The following MIPEP variants were observed in gnomAD, a reference collection of about 807,000 sequenced individuals.
The protein encoded by MIPEP is mitochondrial intermediate peptidase.
Under a neutral mutation model 90.3 loss-of-function variants are expected in MIPEP, and 79 were observed. The observed-to-expected ratio is 0.87, with a 90% confidence interval of 0.73 to 1.05. The LOEUF (loss-of-function observed/expected upper bound fraction) is 1.05. Among genes scored for constraint, MIPEP ranks in the 50% least tolerant of loss-of-function variants. MIPEP has a pLI of 0.00. For missense variants in MIPEP, 940 were observed against 905.6 expected (o/e 1.04, Z -0.49); for synonymous variants, 334 against 315.8 (o/e 1.06, Z -0.61).
At chr13:23,803,735 C>T (rs549018117) in intron 16 of MIPEP, among the ~76,000 whole-genome samples, 66 of 152,274 alleles carry the variant, frequency 4.3e-4, no homozygotes, top group South Asian at 1.9e-3. Flanking sequence ...TGGTCAAGTC[C>T]ACCAACTTGA....
At chr13:23,782,342 C>A (rs2137363170) in intron 16 of MIPEP, among the ~76,000 whole-genome samples, 1 of 152,136 alleles carries the variant, frequency 6.6e-6, no homozygotes, top group South Asian at 2.1e-4. Flanking sequence ...GAACAACCTG[C>A]TCCTGAACGA....
intron 16 of MIPEP, among the ~76,000 whole-genome samples, chr13:23,785,924 G>C (rs1159711341): frequency 6.6e-6 from 1 of 152,090 alleles, no homozygotes; most frequent in African/African-American, 2.4e-5. Context: ...GAATTATAAC[G>C]ATGTAGAGAC....
intron 16 of MIPEP, among the ~76,000 whole-genome samples, chr13:23,785,762 A>C (rs1435215811): frequency 4.6e-5 from 7 of 152,194 alleles, no homozygotes; most frequent in Non-Finnish European, 5.9e-5. Context: ...TTTCATATTA[A>C]AAATCCATCA....
chr13:23,855,630 G>T (rs899961204), intron 10 of MIPEP, among the ~76,000 whole-genome samples: 1 of 152,084 alleles, frequency 6.6e-6, no homozygotes. Flanking sequence ...TCCATTACCT[G>T]TGCGGCAGCC....
intron 16 of MIPEP, among the ~76,000 whole-genome samples, chr13:23,802,892 A>G (rs1953060867): frequency 6.6e-6 from 1 of 152,198 alleles, no homozygotes; most frequent in Non-Finnish European, 1.5e-5. Context: ...GGCTAACATA[A>G]GCATTCTGAG....
intron 1 of MIPEP, among the ~76,000 whole-genome samples, chr13:23,887,302 A>G (rs558072833): frequency 2.1e-4 from 32 of 152,316 alleles, no homozygotes; most frequent in South Asian, 4.1e-4. Context: ...AGGCAGGGGG[A>G]AAAAGCATTT....
chr13:23,788,672 A>G (rs1215497252), intron 16 of MIPEP, among the ~76,000 whole-genome samples: 1 of 152,242 alleles, frequency 6.6e-6, no homozygotes, highest in Non-Finnish European at 1.5e-5. Context: ...TGACAACCAC[A>G]TGATGCGCAC....
chr13:23,874,460 AAC>A (rs1022884922), intron 5 of MIPEP, among the ~76,000 whole-genome samples: 3 of 152,196 alleles, frequency 2.0e-5, no homozygotes, highest in African/African-American at 7.2e-5. Flanking sequence ...CCATCAGTCA[AAC>A]ACACGTATAA....
intron 14 of MIPEP, among the ~76,000 whole-genome samples, chr13:23,817,130 A>G (rs950272246): frequency 1.5e-4 from 23 of 152,344 alleles, no homozygotes; most frequent in Middle Eastern, 6.8e-3. Flanking sequence ...AGCTTTCTGC[A>G]TCCTAGGTGG....
chr13:23,796,308 T>G (rs1952960464), intron 16 of MIPEP, among the ~76,000 whole-genome samples: 1 of 151,990 alleles, frequency 6.6e-6, no homozygotes, highest in Non-Finnish European at 1.5e-5. Flanking sequence ...TCCCAGCTAC[T>G]GGGGAGGCTG....
In MIPEP at chr13:23,783,135, C is replaced by G. The variant is rs536521942; in HGVS notation, c.1848+22815G>C. On this transcript the variant is annotated intron_variant, in intron 16 of 18. Transcript: ENST00000382172. ...GCCAGCATCATCCTGATACCAAAGCCGGGCAGAGACACAACCGAAAAAGAG... is the reference window on the plus strand; with the variant it reads ...GCCAGCATCATCCTGATACCAAAGCGGGGCAGAGACACAACCGAAAAAGAG... Among the ~76,000 whole-genome samples, 331 of 152,258 alleles carry G rather than the reference C, an allele frequency of 2.2e-3. 3 individuals are homozygous for G. Among genetic ancestry groups the G allele is most frequent in the African/African-American group, 6.9e-3 (286 of 41,534 alleles).
chr13:23,747,871 G>C (rs1285037661), intron 18 of MIPEP, among the ~76,000 whole-genome samples: 1 of 152,180 alleles, frequency 6.6e-6, no homozygotes, highest in Admixed American at 6.5e-5. Context: ...CTCCTGACTA[G>C]CTGGGACTAC....
In MIPEP at chr13:23,749,395, C is replaced by A. The variant is rs74041379; in HGVS notation, c.2044+7150G>T. On this transcript the variant is annotated intron_variant, in intron 18 of 18. Coordinates refer to ENST00000382172, the MANE Select transcript of MIPEP (RefSeq NM_005932.4). ...AAGGCATCAACGCTTATTATTTAAG[C>A]TGCTGTGTCACAAGACATCAAACTT... Among the ~76,000 whole-genome samples, 282 of 152,310 alleles carry A rather than the reference C, an allele frequency of 1.9e-3. 2 individuals are homozygous for A. Among genetic ancestry groups the A allele is most frequent in the African/African-American group, 6.4e-3 (264 of 41,566 alleles).
At chr13:23,816,535 T>C (rs926388362) in intron 14 of MIPEP, among the ~76,000 whole-genome samples, 2 of 150,954 alleles carry the variant, frequency 1.3e-5, no homozygotes, top group South Asian at 2.1e-4. Context: ...AGTTTTTTTT[T>C]GTAGTTTCCA....
intron 17 of MIPEP, among the ~76,000 whole-genome samples, chr13:23,757,308 G>T (rs1384432926): frequency 1.3e-5 from 2 of 151,994 alleles, no homozygotes; most frequent in African/African-American, 2.4e-5. Flanking sequence ...TTCAACAGGA[G>T]ATGGATGGGG....
At chr13:23,879,025 G>A (rs1216486036) in intron 4 of MIPEP, among the ~76,000 whole-genome samples, 1 of 152,198 alleles carries the variant, frequency 6.6e-6, no homozygotes, top group African/African-American at 2.4e-5. Flanking sequence ...GGATACGTTG[G>A]AAGGAACGAG....
chr13:23,792,231 T>G (rs986275845), intron 16 of MIPEP, among the ~76,000 whole-genome samples: 1 of 152,228 alleles, frequency 6.6e-6, no homozygotes, highest in Admixed American at 6.5e-5. Context: ...TGTGTGGGGA[T>G]GACTCCAAAT....
Position 23,874,923 on chromosome 13 carries a change from G to A in MIPEP, c.540-14C>T, listed in dbSNP as rs1273549700. On this transcript the variant is annotated splice_polypyrimidine_tract_variant and intron_variant, in intron 4 of 18. Coordinates refer to ENST00000382172, the MANE Select transcript of MIPEP (RefSeq NM_005932.4). ...TCAGCCACTCGCCTATAAATGAAATGAGCCCCAGGTTATAACAGGTAATAA... is the reference window on the plus strand; with the variant it reads ...TCAGCCACTCGCCTATAAATGAAATAAGCCCCAGGTTATAACAGGTAATAA... 6.3e-7 allele frequency: 1 copy of A among 1,585,806 alleles called. No homozygotes were observed. The highest frequency in any genetic ancestry group is 1.2e-5 in the South Asian group (1 of 85,030).
At chr13:23,780,629 G>C (rs538277230) in intron 16 of MIPEP, among the ~76,000 whole-genome samples, 1 of 152,334 alleles carries the variant, frequency 6.6e-6, no homozygotes, top group Admixed American at 6.5e-5. Context: ...GTTGAGAGAA[G>C]AAGGCTTCAG....
Sources: gnomAD v4.1 joint callset for allele counts (sites outside exome capture counted in the v4.1 genomes callset) on GRCh38, gnomAD v4.1.1 for gene constraint, MANE v1.5 for transcripts, NCBI Gene and HGNC (gene_info 2026-07-23, HGNC 2026-07-21) for gene names.